The following DYTN variants were observed in gnomAD, a reference collection of about 807,000 sequenced individuals.
The protein encoded by DYTN is dystrotelin.
In DYTN, 75 loss-of-function variants were observed where a neutral mutation model predicts 69.6. That is an observed-to-expected ratio of 1.08 (90% CI 0.89 to 1.31). The LOEUF is 1.31. Among genes scored for constraint, DYTN ranks in the 50% most tolerant of loss-of-function variants. The probability of loss-of-function intolerance (pLI) is 0.00; values close to 1 mark genes in which losing one functional copy is unlikely to be tolerated. For missense variants in DYTN, 726 were observed against 688.4 expected, an observed-to-expected ratio of 1.05 and a Z score of -0.61; for synonymous variants, 252 against 249.1, an observed-to-expected ratio of 1.01 and a Z score of -0.11.
chr2:206,702,723 ACATAGGATGACTC>A lies in DYTN; in HGVS notation c.483+2107_483+2119del, dbSNP rs145795824. On this transcript the variant is annotated intron_variant, in intron 5 of 11. Transcript: ENST00000452335. ...ATTTGTAAAATAAGGTGGGTGGATA[ACATAGGATGACTC>A]TCACCAGCTCTGTGATTCTAACACT... Among the ~76,000 whole-genome samples, 993 of 152,292 alleles carry A rather than the reference ACATAGGATGACTC, an allele frequency of 6.5e-3. 14 individuals carry two copies. Among genetic ancestry groups the A allele is most frequent in the African/African-American group, 0.023 (956 of 41,544 alleles).
intron 3 of DYTN, among the ~76,000 whole-genome samples, 169 bp from the exon 4 acceptor site, chr2:206,706,042 GA>G (rs1260071857): frequency 1.3e-5 from 2 of 152,186 alleles, no homozygotes; most frequent in Admixed American, 1.3e-4. Flanking sequence ...ACAGAGCATT[GA>G]ATTAACATAT....
chr2:206,714,438 A>C (rs1433557356), intron 1 of DYTN, among the ~76,000 whole-genome samples: 1 of 152,222 alleles, frequency 6.6e-6, no homozygotes, highest in Non-Finnish European at 1.5e-5. Context: ...TCCTGACCTC[A>C]TGGTCTGCCC....
chr2:206,687,953 C>T (rs1699829563), intron 9 of DYTN, among the ~76,000 whole-genome samples: 2 of 152,162 alleles, frequency 1.3e-5, no homozygotes, highest in African/African-American at 4.8e-5. Context: ...ATTCTTCAGT[C>T]TCATAATTTT....
chr2:206,674,312 T>C (rs1274348875), intron 9 of DYTN, among the ~76,000 whole-genome samples: 1 of 151,782 alleles, frequency 6.6e-6, no homozygotes, highest in East Asian at 1.9e-4. Flanking sequence ...AATGATACAC[T>C]TAAAATATTT....
At chr2:206,699,928 A>G (rs1225346080) in intron 6 of DYTN, 38 bp from the exon 7 acceptor site, 3 of 1,589,230 alleles carry the variant, frequency 1.9e-6, no homozygotes. Flanking sequence ...GTTTTTAGGC[A>G]CGACTTGATA....
Position 206,693,338 on chromosome 2 carries a change from A to C in DYTN, c.832-15T>G, listed in dbSNP as rs750396930. 1.9e-6 allele frequency: 3 copies of C among 1,608,318 alleles called. No individual in the cohort carries two copies. The South Asian group carries it at 3.3e-5, about 18-fold the overall frequency. On this transcript the variant is annotated splice_polypyrimidine_tract_variant and intron_variant, in intron 8 of 11. Transcript: ENST00000452335. Reference sequence around the variant, plus strand: ...ATTGCTGACATCTGCTGAAAGGGCCAACATTTTTAAAAAGCGTCAGATCAG... The same window carrying C: ...ATTGCTGACATCTGCTGAAAGGGCCCACATTTTTAAAAAGCGTCAGATCAG...
intron 11 of DYTN, among the ~76,000 whole-genome samples, chr2:206,660,938 C>A (rs973963605): frequency 1.3e-5 from 2 of 152,164 alleles, no homozygotes; most frequent in African/African-American, 2.4e-5. Flanking sequence ...ATATTGAAGG[C>A]CTGACTAACC....
At chr2:206,696,832 G>T (rs1699924458) in intron 7 of DYTN, among the ~76,000 whole-genome samples, 2 of 152,102 alleles carry the variant, frequency 1.3e-5, no homozygotes, top group African/African-American at 4.8e-5. Context: ...ACTAATAGTT[G>T]AATTGAAAAC....
At position 206,651,763 on chromosome 2, in the gene DYTN, T is replaced by C. The variant is rs1286230145; in HGVS notation, c.*55A>G. 1.2e-5 allele frequency: 18 copies of C among 1,466,316 alleles called. No individual in the cohort carries two copies. Among genetic ancestry groups the C allele is most frequent in the Non-Finnish European group, 1.7e-5 (18 of 1,048,956 alleles). 90.8% of individuals were successfully genotyped at this position (1,466,316 alleles called of 1,614,324 possible). A position where few individuals can be genotyped will look rare whatever the true frequency, so the allele number is the denominator to read the frequency against. ...AGAAGTCTTAATTCTTTTAATACAGTTGTGCAACTGCATTTTGTCATCACA... is the reference window on the plus strand; with the variant it reads ...AGAAGTCTTAATTCTTTTAATACAGCTGTGCAACTGCATTTTGTCATCACA... On this transcript the variant is annotated 3_prime_UTR_variant, in exon 12 of 12. Transcript: ENST00000452335.
chr2:206,667,997 T>G (rs1305017262), intron 9 of DYTN, among the ~76,000 whole-genome samples: 7 of 152,152 alleles, frequency 4.6e-5, no homozygotes, highest in African/African-American at 1.7e-4. Flanking sequence ...CCCTCTAACT[T>G]CCAGACAGTC....
intron 5 of DYTN, among the ~76,000 whole-genome samples, chr2:206,701,760 C>T (rs1202446297): frequency 6.6e-6 from 1 of 152,056 alleles, no homozygotes; most frequent in Non-Finnish European, 1.5e-5. Context: ...AGAATTGAAA[C>T]AAGAGCAGGT....
intron 8 of DYTN, among the ~76,000 whole-genome samples, 198 bp downstream of exon 8, chr2:206,694,568 A>C (rs960312550): frequency 3.3e-5 from 5 of 152,148 alleles, no homozygotes; most frequent in Non-Finnish European, 5.9e-5. Flanking sequence ...AAAAACTTCC[A>C]CTGAGACATA....
At chr2:206,652,916 T>G (rs1279584376) in intron 11 of DYTN, among the ~76,000 whole-genome samples, 2 of 152,190 alleles carry the variant, frequency 1.3e-5, no homozygotes, top group African/African-American at 4.8e-5. Flanking sequence ...ACAATAAACA[T>G]ACAGTATTAC....
intron 5 of DYTN, 100 bp downstream of exon 5, chr2:206,704,743 T>C: frequency 9.9e-7 from 1 of 1,011,078 alleles, no homozygotes; most frequent in South Asian, 1.5e-5. Context: ...TGGAGTTATA[T>C]ATAAAGATAG....
chr2:206,692,428 C>T (rs1699875246), intron 9 of DYTN, among the ~76,000 whole-genome samples: 1 of 152,108 alleles, frequency 6.6e-6, no homozygotes, highest in African/African-American at 2.4e-5. Flanking sequence ...GGCTGTGCCC[C>T]TCTGGAGCAC....
rs373406102 is a variant in DYTN at position 206,694,806 on chromosome 2, G to C, written c.791C>G (p.Ser264Cys). The change falls in exon 8 of 12, where the codon TCC becomes TGC. Residue 264 changes from serine to cysteine, a missense_variant. By Grantham distance (112) the Ser-to-Cys change is moderately radical. Coordinates refer to ENST00000452335, the MANE Select transcript of DYTN (RefSeq NM_001093730.1). ...MCFLSGLHSK[S>C]HQKSHPVIEH... ...AATGACAGGATGAGACTTCTGATGG[G>C]ACTTGCTGTGAAGACCAGATAAGAA... 1.6e-5 allele frequency: 25 copies of C among 1,610,752 alleles called. No individual in the cohort carries two copies. Among genetic ancestry groups the C allele is most frequent in the Non-Finnish European group, 1.7e-5 (20 of 1,179,020 alleles).
intron 9 of DYTN, 42 bp from the exon 10 acceptor site, chr2:206,666,071 GC>G (rs780722522): frequency 2.9e-4 from 458 of 1,599,490 alleles, no homozygotes; most frequent in Non-Finnish European, 3.8e-4. Context: ...AGGGCAAGAG[GC>G]CAGTACACTA....
chr2:206,705,931 A>C (rs2105901069), intron 3 of DYTN, 58 bp from the exon 4 acceptor site: 1 of 1,563,644 alleles, frequency 6.4e-7, no homozygotes, highest in Admixed American at 1.8e-5. Flanking sequence ...CCTTTGGTGT[A>C]ATGGATGATA....
intron 11 of DYTN, among the ~76,000 whole-genome samples, chr2:206,655,896 GC>G (rs1364004442): frequency 6.6e-6 from 1 of 152,136 alleles, no homozygotes; most frequent in Non-Finnish European, 1.5e-5. Flanking sequence ...CTTGTTTTGT[GC>G]ATTAACATAT....
Sources: gnomAD v4.1 joint callset for allele counts (sites outside exome capture counted in the v4.1 genomes callset) on GRCh38, gnomAD v4.1.1 for gene constraint, MANE v1.5 for transcripts, NCBI Gene and HGNC (gene_info 2026-07-23, HGNC 2026-07-21) for gene names.